Variants in TRIM2 observed in about 807,000 individuals in gnomAD.
TRIM2 encodes tripartite motif containing 2, also known as tripartite motif-containing protein 2.
A neutral mutation model predicts 75.2 loss-of-function variants in TRIM2; 20 were observed. That is an observed-to-expected ratio of 0.27 (90% CI 0.19 to 0.39). The LOEUF (loss-of-function observed/expected upper bound fraction) is 0.39. Among genes scored for constraint, TRIM2 ranks in the 10% least tolerant of loss-of-function variants. The pLI is 1.00. For synonymous variants in TRIM2, 373 were observed against 388.3 expected (o/e 0.96, Z 0.46); for missense variants, 660 against 990.8 (o/e 0.67, Z 4.48).
intron 3 of TRIM2, among the ~76,000 whole-genome samples, chr4:153,287,794 G>T (rs916694557): frequency 1.3e-5 from 2 of 152,158 alleles, no homozygotes; most frequent in Non-Finnish European, 2.9e-5. Flanking sequence ...TTTATGTCAT[G>T]TAGGAGTTAG....
chr4:153,339,259 G>A lies in TRIM2; in HGVS notation c.*4293G>A, dbSNP rs564204409. ...GAAACATAGGAGAAACAGGATTCAT[G>A]TGTATCTCTTTACCATGCACAAAAT... On this transcript the variant is annotated 3_prime_UTR_variant, in exon 12 of 12. Transcript: ENST00000338700. 1.1e-5 allele frequency: 10 copies of A among 909,880 alleles called. No individual in the cohort carries two copies. In the South Asian group the frequency reaches 4.0e-4, roughly 37 times the overall value. 56.4% of individuals were successfully genotyped at this position (909,880 alleles called of 1,614,324 possible). A position where few individuals can be genotyped will look rare whatever the true frequency, so the allele number is the denominator to read the frequency against.
chr4:153,272,846 TTTG>T (rs1298408937), intron 2 of TRIM2, among the ~76,000 whole-genome samples: 2 of 152,042 alleles, frequency 1.3e-5, no homozygotes, highest in Admixed American at 6.6e-5. Context: ...TGTTTGTTTG[TTTG>T]TTTGTTTTTG....
At chr4:153,256,849 A>T (rs1049984695) in intron 1 of TRIM2, among the ~76,000 whole-genome samples, 1 of 152,162 alleles carries the variant, frequency 6.6e-6, no homozygotes, top group Non-Finnish European at 1.5e-5. Flanking sequence ...TACTTTATAG[A>T]CCCTGCCCTG....
chr4:153,330,365 G>A (rs1313936037), intron 11 of TRIM2, among the ~76,000 whole-genome samples: 1 of 152,072 alleles, frequency 6.6e-6, no homozygotes, highest in Non-Finnish European at 1.5e-5. Flanking sequence ...GTACAAAAAA[G>A]AAAGCTACAG....
intron 1 of TRIM2, among the ~76,000 whole-genome samples, chr4:153,171,312 G>A (rs1220685676): frequency 2.0e-5 from 3 of 152,186 alleles, no homozygotes; most frequent in Admixed American, 6.5e-5. Flanking sequence ...GGGGCTAGAC[G>A]TGGTGACTCA....
intron 3 of TRIM2, among the ~76,000 whole-genome samples, chr4:153,278,474 A>G (rs1758506748): frequency 6.6e-6 from 1 of 152,104 alleles, no homozygotes; most frequent in South Asian, 2.1e-4. Flanking sequence ...TCATATCCCA[A>G]ATTTACACCA....
At chr4:153,211,613 G>A (rs938886610) in intron 1 of TRIM2, among the ~76,000 whole-genome samples, 3 of 150,812 alleles carry the variant, frequency 2.0e-5, no homozygotes, top group Non-Finnish European at 4.4e-5. Flanking sequence ...AGCCTCCCAA[G>A]TACCTGGGAC....
chr4:153,204,917 G>C (rs1454103581), intron 1 of TRIM2, among the ~76,000 whole-genome samples: 1 of 152,172 alleles, frequency 6.6e-6, no homozygotes, highest in Non-Finnish European at 1.5e-5. Flanking sequence ...GGGCCTCTCC[G>C]GGGTTTCTGT....
At chr4:153,298,075 G>C (rs1314632965) in intron 6 of TRIM2, among the ~76,000 whole-genome samples, 1 of 152,098 alleles carries the variant, frequency 6.6e-6, no homozygotes, top group Non-Finnish European at 1.5e-5. Context: ...CCACCCCAGG[G>C]ACAAGGGGGT....
At chr4:153,231,029 A>G (rs1183034486) in intron 1 of TRIM2, among the ~76,000 whole-genome samples, 1 of 152,242 alleles carries the variant, frequency 6.6e-6, no homozygotes, top group Non-Finnish European at 1.5e-5. Flanking sequence ...TGACTTTTCC[A>G]GTAAAGGGGG....
In TRIM2 at chr4:153,228,729, T is replaced by C. The variant is rs562211192; in HGVS notation, c.30+24169T>C. ...AGCCTTCAATGATAAATGTTCTCTT[T>C]TGCCCCAGGTCACGCGGCAGTCATA... is the stretch of plus-strand genomic sequence containing the variant. On this transcript the variant is annotated intron_variant, in intron 1 of 11. Transcript: ENST00000338700. 2.5e-4 allele frequency among the ~76,000 whole-genome samples: 38 copies of C among 152,396 alleles called. 1 individual carries two copies. The South Asian group carries it at 7.9e-3, about 32-fold the overall frequency.
chr4:153,193,298 A>G (rs1241738582), intron 1 of TRIM2, among the ~76,000 whole-genome samples: 1 of 151,614 alleles, frequency 6.6e-6, no homozygotes, highest in African/African-American at 2.4e-5. Context: ...CGCCAGGCTA[A>G]TTTTTTGTAT....
chr4:153,316,576 GA>G (rs958171435), intron 8 of TRIM2, among the ~76,000 whole-genome samples: 89 of 150,650 alleles, frequency 5.9e-4, no homozygotes, highest in East Asian at 2.5e-3. Context: ...ATGGGACTTG[GA>G]AAAAAAAAGA....
chr4:153,288,881 T>C (rs1346772566), intron 3 of TRIM2, among the ~76,000 whole-genome samples: 2 of 152,114 alleles, frequency 1.3e-5, no homozygotes, highest in African/African-American at 4.8e-5. Context: ...TTCTAGTGAA[T>C]TTTTCATTGC....
chr4:153,298,652 C>A (rs1189519710), intron 6 of TRIM2, among the ~76,000 whole-genome samples: 1 of 152,070 alleles, frequency 6.6e-6, no homozygotes, highest in Non-Finnish European at 1.5e-5. Context: ...CTAACATATG[C>A]ATTACCTCAC....
intron 1 of TRIM2, among the ~76,000 whole-genome samples, chr4:153,264,125 G>A (rs767737954): frequency 3.9e-5 from 6 of 152,200 alleles, no homozygotes; most frequent in Non-Finnish European, 8.8e-5. Context: ...GATTGAGCAG[G>A]TGACACTGAG....
intron 1 of TRIM2, among the ~76,000 whole-genome samples, chr4:153,267,617 C>T (rs983378700): frequency 6.6e-6 from 1 of 152,052 alleles, no homozygotes; most frequent in Admixed American, 6.5e-5. Context: ...CGCCACTGCA[C>T]TCCAGCCTGG....
chr4:153,264,289 T>G (rs1424609349), intron 1 of TRIM2, among the ~76,000 whole-genome samples: 1 of 152,216 alleles, frequency 6.6e-6, no homozygotes, highest in East Asian at 1.9e-4. Flanking sequence ...AAGTGGTTCT[T>G]TCTGCGTTTG....
At chr4:153,200,907 C>T, upstream of TRIM2, among the ~76,000 whole-genome samples, 1 of 151,680 alleles carries the variant, frequency 6.6e-6, no homozygotes, top group East Asian at 1.9e-4. Flanking sequence ...CTGCCTTAGC[C>T]TCCCAAATTC....
Sources: gnomAD v4.1 joint callset for allele counts (sites outside exome capture counted in the v4.1 genomes callset) on GRCh38, gnomAD v4.1.1 for gene constraint, MANE v1.5 for transcripts, NCBI Gene and HGNC (gene_info 2026-07-23, HGNC 2026-07-21) for gene names.